The following ITPR1 variants were observed in gnomAD, a reference collection of about 807,000 sequenced individuals.
ITPR1 encodes inositol 1,4,5-trisphosphate receptor type 1.
A neutral mutation model predicts 318.4 loss-of-function variants in ITPR1; 96 were observed. That is an observed-to-expected ratio of 0.30 (90% confidence interval 0.26 to 0.36). The LOEUF (loss-of-function observed/expected upper bound fraction) is 0.36, where lower values mean the gene tolerates loss of function less well. Ranked by LOEUF, ITPR1 falls within the 10% of genes least tolerant of loss-of-function variation. The probability of loss-of-function intolerance (pLI) is 1.00; values close to 1 mark genes in which losing one functional copy is unlikely to be tolerated. For missense variants in ITPR1, 2,440 were observed against 3,460.2 expected (o/e 0.71, Z 7.40); for synonymous variants, 1,312 against 1,289.9 (o/e 1.02, Z -0.37).
rs150624114 is a variant in ITPR1, at chr3:4,818,277, T to C, written c.8028+35T>C. On this transcript the variant is annotated intron_variant, in intron 60 of 61. Transcript: ENST00000649015. ...AAGGCCTCCTGGGAGCAAGGTGGAC[T>C]TGGGGCCTACTCAGCTCTGAGCAAG... 4.2e-4 allele frequency: 652 copies of C among 1,538,734 alleles called. 4 individuals are homozygous for C. The African/African-American group carries it at 7.6e-3, about 18-fold the overall frequency.
At chr3:4,621,265 A>C (rs1313181572) in intron 4 of ITPR1, among the ~76,000 whole-genome samples, 2 of 152,150 alleles carry the variant, frequency 1.3e-5, no homozygotes, top group African/African-American at 4.8e-5. Flanking sequence ...AGACCTCAGG[A>C]AACTTACAGT....
chr3:4,551,031 A>G (rs1197893539), intron 4 of ITPR1, among the ~76,000 whole-genome samples: 2 of 152,230 alleles, frequency 1.3e-5, no homozygotes, highest in African/African-American at 4.8e-5. Flanking sequence ...ACATAGAGCT[A>G]TCTTCCCCTC....
chr3:4,773,066 TC>T (rs927113831), intron 46 of ITPR1, among the ~76,000 whole-genome samples: 1 of 152,244 alleles, frequency 6.6e-6, no homozygotes, highest in Non-Finnish European at 1.5e-5. Context: ...CCCAGCGCTG[TC>T]AACGTGGTCC....
chr3:4,640,405 G>C (rs1443115387), intron 6 of ITPR1, among the ~76,000 whole-genome samples: 3 of 150,774 alleles, frequency 2.0e-5, no homozygotes, highest in African/African-American at 7.5e-5. Context: ...TTGAAGATTA[G>C]ATCCTGCCAG....
At chr3:4,805,054 T>C (rs1397021571) in intron 54 of ITPR1, among the ~76,000 whole-genome samples, 2 of 152,224 alleles carry the variant, frequency 1.3e-5, no homozygotes. Flanking sequence ...TGAGACTATA[T>C]TGCACAGTAG....
chr3:4,587,359 C>T (rs2090014032), intron 4 of ITPR1, among the ~76,000 whole-genome samples: 1 of 151,438 alleles, frequency 6.6e-6, no homozygotes, highest in South Asian at 2.1e-4. Flanking sequence ...CTGCAACCTC[C>T]ACCTCCCGGG....
rs1559909776 is a variant in ITPR1 at position 4,795,176 on chromosome 3, G to A, written c.6920G>A (p.Gly2307Glu). Residue 2307 changes from glycine to glutamate, a missense_variant, in exon 53 of 62, where the codon GGA becomes GAA. Gly to Glu is a moderately conservative substitution (Grantham distance 98). Around this residue, in one of 23 missense-constraint regions of ITPR1, gnomAD observed 126 missense variants for 150.8 expected, o/e 0.84. Transcript: ENST00000649015. ...GTGGCGTTTTTCTACCCGTTTAAGGGAGTCCGAGGAGGTACCCATATCTTT... is the reference window on the plus strand; with the variant it reads ...GTGGCGTTTTTCTACCCGTTTAAGGAAGTCCGAGGAGGTACCCATATCTTT... ...LLVAFFYPFK[G>E]VRGGTLEPHW... The A allele has an allele frequency of 8.1e-6, 13 of 1,613,098 alleles. No homozygotes were observed. Among genetic ancestry groups the A allele is most frequent in the Admixed American group, 3.3e-5 (2 of 59,856 alleles).
intron 4 of ITPR1, among the ~76,000 whole-genome samples, chr3:4,547,938 T>TA (rs571580263): frequency 4.1e-4 from 62 of 152,278 alleles, no homozygotes; most frequent in African/African-American, 1.3e-3. Flanking sequence ...TGCATCCACT[T>TA]ACGAAGCATA....
intron 10 of ITPR1, among the ~76,000 whole-genome samples, chr3:4,650,718 C>G (rs1437921468): frequency 1.3e-5 from 2 of 150,164 alleles, no homozygotes; most frequent in Non-Finnish European, 3.0e-5. Flanking sequence ...GGGTATGTGT[C>G]AAATGGGAAA....
rs1454752001 is a variant in ITPR1, at chr3:4,789,369, A to T, written c.6808+1230A>T. Among the ~76,000 whole-genome samples, 3 of 151,778 alleles carry T rather than the reference A, an allele frequency of 2.0e-5. No individual in the cohort carries two copies. In the East Asian group the frequency reaches 5.8e-4, roughly 29 times the overall value. The stretch of plus-strand genomic sequence containing the variant: ...ATAGCCTACTGTAGATTCCTCAAAG[A>T]CTCTTGCAGCTCCAGGATCCTCATG... On this transcript the variant is annotated intron_variant, in intron 52 of 61. Transcript: ENST00000649015.
chr3:4,530,652 TCA>T (rs1279430038), intron 4 of ITPR1, among the ~76,000 whole-genome samples: 1 of 152,032 alleles, frequency 6.6e-6, no homozygotes, highest in Non-Finnish European at 1.5e-5. Context: ...ATGGTGGTGG[TCA>T]CATGTAGTCC....
intron 44 of ITPR1, among the ~76,000 whole-genome samples, chr3:4,755,404 ATTTT>A (rs71053440): frequency 0.23 from 33,237 of 143,858 alleles, 4,442 homozygotes; most frequent in Middle Eastern, 0.47. Context: ...AATTAAAAAC[ATTTT>A]TTTTTTTTTT....
chr3:4,634,284 G>C (rs2093110540), intron 5 of ITPR1, among the ~76,000 whole-genome samples: 1 of 151,824 alleles, frequency 6.6e-6, no homozygotes, highest in Non-Finnish European at 1.5e-5. Context: ...CATGTTCCCG[G>C]CTCACTGCAG....
intron 4 of ITPR1, among the ~76,000 whole-genome samples, chr3:4,559,928 G>A (rs1022100488): frequency 3.3e-5 from 5 of 152,266 alleles, no homozygotes; most frequent in Admixed American, 1.3e-4. Context: ...AAGAGGCGGC[G>A]TTATGTACTG....
At chr3:4,768,787 G>C in intron 46 of ITPR1, 23 bp downstream of exon 46, 1 of 1,593,976 alleles carries the variant, frequency 6.3e-7, no homozygotes, top group African/African-American at 1.3e-5. Flanking sequence ...GGGTGGGGGC[G>C]TGGAGGGAGC....
In ITPR1 at chr3:4,835,522, C is replaced by T. The variant is rs373637453; in HGVS notation, c.8029-1252C>T. ...ATTGACACACAAAATGTCGCCGACCCCCACGGTGTACACAAAGCAACAATT... is the reference window on the plus strand; with the variant it reads ...ATTGACACACAAAATGTCGCCGACCTCCACGGTGTACACAAAGCAACAATT... On this transcript the variant is annotated intron_variant, in intron 60 of 61. Coordinates refer to ENST00000649015, the MANE Select transcript of ITPR1 (RefSeq NM_001378452.1). Among the ~76,000 whole-genome samples, 633 of 152,210 alleles carry T rather than the reference C, an allele frequency of 4.2e-3. 7 individuals carry two copies. The highest frequency in any genetic ancestry group is 0.036 in the South Asian group (172 of 4,822).
At position 4,565,104 on chromosome 3, in the gene ITPR1, A is replaced by C. The variant is rs544960347; in HGVS notation, c.163+44010A>C. Among the ~76,000 whole-genome samples the C allele has an allele frequency of 3.9e-5, 6 of 152,300 alleles. No homozygotes were observed. The South Asian group carries it at 1.2e-3, about 32-fold the overall frequency. ...CATCTGGTGTGTACTGAGCATTGGT[A>C]GGCTCCTCTGTGATAAGATCTTGAA... On this transcript the variant is annotated intron_variant, in intron 4 of 61. Coordinates refer to ENST00000649015, the MANE Select transcript of ITPR1 (RefSeq NM_001378452.1).
chr3:4,700,905 A>C (rs912076218), intron 35 of ITPR1, among the ~76,000 whole-genome samples: 3 of 152,060 alleles, frequency 2.0e-5, no homozygotes, highest in Non-Finnish European at 4.4e-5. Context: ...CCTTTATAAA[A>C]CCATCAGATC....
intron 2 of ITPR1, among the ~76,000 whole-genome samples, chr3:4,512,229 A>G (rs304044): frequency 0.086 from 13,021 of 152,190 alleles, 623 homozygotes; most frequent in Non-Finnish European, 0.11. Context: ...TTGGCTGTTT[A>G]AGATGTGATG....
Sources: gnomAD v4.1 joint callset for allele counts (sites outside exome capture counted in the v4.1 genomes callset) on GRCh38, gnomAD v4.1.1 for gene constraint, gnomAD v4.1.1 regional missense constraint, MANE v1.5 for transcripts, NCBI Gene and HGNC (gene_info 2026-07-23, HGNC 2026-07-21) for gene names.